DRC3: variants seen among roughly 807,000 people sequenced by gnomAD.
DRC3 encodes dynein regulatory complex subunit 3.
Under a neutral mutation model 57.6 loss-of-function variants are expected in DRC3, and 45 were observed. The ratio of observed to expected loss-of-function variants is 0.78; its 90% CI spans 0.62 to 1.00. The LOEUF (loss-of-function observed/expected upper bound fraction) is 1.00. Ranked by LOEUF, DRC3 falls within the 50% of genes least tolerant of loss-of-function variation. DRC3 has a pLI of 0.00. For synonymous variants in DRC3, 257 were observed against 272.3 expected (o/e 0.94, Z 0.55); for missense variants, 655 against 675.2 (o/e 0.97, Z 0.33).
At position 17,994,390 on chromosome 17, in the gene DRC3, C is replaced by T. The variant is rs1342146355; in HGVS notation, c.683C>T (p.Ala228Val). ...LMQAQLEDEQAQREELEKHKT... is the reference protein window; with the variant it reads ...LMQAQLEDEQVQREELEKHKT... ...CAGGCCCAGCTGGAGGACGAGCAGGCGCAGCGGGAGGAGCTAGAGAAGCAC... is the reference window on the plus strand; with the variant it reads ...CAGGCCCAGCTGGAGGACGAGCAGGTGCAGCGGGAGGAGCTAGAGAAGCAC... The change falls in exon 7 of 14, where the codon GCG (alanine) becomes GTG (valine). Residue 228 changes from alanine to valine, a missense_variant. Ala to Val is a moderately conservative substitution (Grantham distance 64). Coordinates refer to ENST00000399187, the MANE Select transcript of DRC3 (RefSeq NM_031294.4). 18 of 1,553,690 alleles carry T rather than the reference C, an allele frequency of 1.2e-5. No homozygotes were observed. The highest frequency in any genetic ancestry group is 2.4e-5 in the South Asian group (2 of 84,134).
rs1597627819 is a variant in DRC3 at position 18,004,409 on chromosome 17, A to T, written c.1046A>T (p.Lys349Met). The change falls in exon 10 of 14, where the codon AAG (lysine) becomes ATG (methionine). Residue 349 changes from lysine (K) to methionine (M), a missense_variant. Physicochemically the swap from Lys to Met is moderately conservative, Grantham distance 95 (BLOSUM62 -1). Coordinates refer to ENST00000399187, the MANE Select transcript of DRC3 (RefSeq NM_031294.4). ...REELELPNIE[K>M]MILECSADIS... ...GAGTTGGAACTGCCCAACATTGAGA[A>T]GATGATCCTAGAATGCAGTGCTGAC... The T allele has an allele frequency of 6.2e-7, 1 of 1,608,408 alleles. No individual in the cohort carries two copies. The highest frequency in any genetic ancestry group is 2.2e-5 in the East Asian group (1 of 44,782).
chr17:17,977,569 C>T lies in DRC3; in HGVS notation c.-17-13C>T, dbSNP rs371081093. On this transcript the variant is annotated splice_polypyrimidine_tract_variant and intron_variant, in intron 2 of 13. Coordinates refer to ENST00000399187, the MANE Select transcript of DRC3 (RefSeq NM_031294.4). ...AGAAGCAGGCCGTGAAGGAAGAATG[C>T]GGTGTTTTTTAGGGAAAACGTGGGG... The T allele has an allele frequency of 3.6e-5, 58 of 1,613,498 alleles. No homozygotes were observed. Among genetic ancestry groups the T allele is most frequent in the African/African-American group, 2.5e-4 (19 of 74,886 alleles).
In DRC3 at chr17:18,014,679, G is replaced by A. The variant is rs571794820; in HGVS notation, c.1327-1385G>A. ...GTATGATTTCTCTGCCTGGCTTAGA[G>A]CTCCACTATGACCCACCTTTTAGAA... On this transcript the variant is annotated intron_variant, in intron 12 of 13. Transcript: ENST00000399187. 2.6e-5 allele frequency among the ~76,000 whole-genome samples: 4 copies of A among 152,280 alleles called. No individual in the cohort carries two copies. In the Middle Eastern group the frequency reaches 0.01, roughly 388 times the overall value.
chr17:17,975,883 A>G lies in DRC3; in HGVS notation c.-17-1699A>G, dbSNP rs371742721. 1.8e-3 allele frequency among the ~76,000 whole-genome samples: 269 copies of G among 152,326 alleles called. 4 individuals carry two copies. The South Asian group carries it at 0.022, about 12-fold the overall frequency. On this transcript the variant is annotated intron_variant, in intron 2 of 13. Coordinates refer to ENST00000399187, the MANE Select transcript of DRC3 (RefSeq NM_031294.4). ...CTCATTGGGACATTTGATGAGGGAC[A>G]GTTCAGGGCAGAGGATGCATATTTG...
intron 12 of DRC3, among the ~76,000 whole-genome samples, chr17:18,014,819 C>T (rs989937672): frequency 1.3e-5 from 2 of 152,216 alleles, no homozygotes; most frequent in Admixed American, 6.5e-5. Context: ...ACAGGCTTTA[C>T]ACACCTTTGA....
At chr17:18,005,084 G>A (rs1485950981) in intron 10 of DRC3, 1 of 152,764 alleles carries the variant, frequency 6.5e-6, no homozygotes, top group Non-Finnish European at 1.5e-5. Flanking sequence ...CTCAGACATG[G>A]GATAGATTTC....
intron 12 of DRC3, among the ~76,000 whole-genome samples, chr17:18,013,148 A>G (rs1397696143): frequency 2.0e-5 from 3 of 152,230 alleles, no homozygotes; most frequent in Non-Finnish European, 4.4e-5. Context: ...AAGACAAAAA[A>G]TAACAAATGC....
chr17:18,000,247 AGTGT>A (rs34029124), intron 9 of DRC3, among the ~76,000 whole-genome samples: 131 of 58,516 alleles, frequency 2.2e-3, no homozygotes, highest in African/African-American at 5.4e-3. Flanking sequence ...CTTTCACGTG[AGTGT>A]GTGTGTGTGT....
intron 5 of DRC3, among the ~76,000 whole-genome samples, chr17:17,990,371 A>T (rs1383284263): frequency 6.6e-6 from 1 of 152,234 alleles, no homozygotes; most frequent in Non-Finnish European, 1.5e-5. Flanking sequence ...TGCATGAATC[A>T]GCCCCTGACC....
chr17:18,016,515 A>G (rs1237731233), intron 13 of DRC3, 43 bp from the exon 14 acceptor site: 2 of 1,366,736 alleles, frequency 1.5e-6, no homozygotes, highest in South Asian at 1.2e-5. Context: ...GATATTAACC[A>G]ATGATCTGAT....
intron 9 of DRC3, among the ~76,000 whole-genome samples, chr17:18,003,206 T>C (rs62072049): frequency 0.54 from 81,726 of 151,812 alleles, 24,603 homozygotes; most frequent in East Asian, 0.93. Flanking sequence ...GCTTCTTGGC[T>C]GGGCACAGTG....
intron 12 of DRC3, chr17:18,010,967 T>A (rs1394052916): frequency 4.1e-6 from 1 of 244,770 alleles, no homozygotes; most frequent in Non-Finnish European, 8.1e-6. Flanking sequence ...TGTTTGTTTG[T>A]TTGTTTTTGA....
At chr17:17,994,017 C>G in intron 6 of DRC3, 1 of 379,146 alleles carries the variant, frequency 2.6e-6, no homozygotes, top group South Asian at 2.3e-5. Flanking sequence ...TGCTGTGGCT[C>G]CTGCCCTGGA....
chr17:18,009,909 G>A (rs916878038), intron 12 of DRC3, among the ~76,000 whole-genome samples: 5 of 152,308 alleles, frequency 3.3e-5, no homozygotes, highest in East Asian at 3.9e-4. Flanking sequence ...AAAGCAGAAC[G>A]TACATGCTGA....
chr17:17,997,616 CGAG>C lies in DRC3; in HGVS notation c.985_987del (p.Glu329del). 1 of 1,607,740 alleles carries C rather than the reference CGAG, an allele frequency of 6.2e-7. No individual in the cohort carries two copies. Among genetic ancestry groups the C allele is most frequent in the Non-Finnish European group, 8.5e-7 (1 of 1,177,308 alleles). On this transcript the variant is annotated inframe_deletion, in exon 9 of 14. Coordinates refer to ENST00000399187, the MANE Select transcript of DRC3 (RefSeq NM_031294.4). ...AGGGCAAACGCAAGATTGCCAAATT[CGAG>C]GAGAAGCACTTGTCGGTAGGCCCCG...
In DRC3 at chr17:17,985,893, A is replaced by G. The variant is rs1269416744; in HGVS notation, c.277+1949A>G. 1.2e-4 allele frequency among the ~76,000 whole-genome samples: 18 copies of G among 152,252 alleles called. No individual in the cohort carries two copies. In the East Asian group the frequency reaches 3.3e-3, roughly 28 times the overall value. On this transcript the variant is annotated intron_variant, in intron 4 of 13. Coordinates refer to ENST00000399187, the MANE Select transcript of DRC3 (RefSeq NM_031294.4). ...TTGGCCAACATACTGACTTTGCACA[A>G]GATATTCCACTCTGTGAACCTCAGT...
chr17:18,002,324 C>T (rs1429347353), intron 9 of DRC3, among the ~76,000 whole-genome samples: 1 of 152,134 alleles, frequency 6.6e-6, no homozygotes, highest in Non-Finnish European at 1.5e-5. Flanking sequence ...ATGTCATTCG[C>T]CCCCTTCAAT....
chr17:17,995,345 T>C (rs1253277685), intron 8 of DRC3, among the ~76,000 whole-genome samples: 1 of 152,250 alleles, frequency 6.6e-6, no homozygotes, highest in Non-Finnish European at 1.5e-5. Flanking sequence ...CAGCATGGCA[T>C]GGGCTGGCCA....
intron 4 of DRC3, among the ~76,000 whole-genome samples, chr17:17,985,177 G>T (rs1023155840): frequency 6.6e-6 from 1 of 152,200 alleles, no homozygotes; most frequent in African/African-American, 2.4e-5. Flanking sequence ...CTTTCTGTCT[G>T]CTTACCCAGA....
Sources: gnomAD v4.1 joint callset for allele counts (sites outside exome capture counted in the v4.1 genomes callset) on GRCh38, gnomAD v4.1.1 for gene constraint, MANE v1.5 for transcripts, NCBI Gene and HGNC (gene_info 2026-07-23, HGNC 2026-07-21) for gene names.